Variants in PPM1N observed in about 807,000 individuals in gnomAD.
PPM1N encodes the protein protein phosphatase, Mg2+/Mn2+ dependent 1N (putative).
Under a neutral mutation model 32.6 loss-of-function variants are expected in PPM1N, and 35 were observed. The ratio of observed to expected loss-of-function variants is 1.07; its 90% confidence interval spans 0.82 to 1.43. The LOEUF (loss-of-function observed/expected upper bound fraction) is 1.43. Ranked by LOEUF, PPM1N falls within the 40% of genes most tolerant of loss-of-function variation. The probability of loss-of-function intolerance (pLI) is 0.00; values close to 1 mark genes in which losing one functional copy is unlikely to be tolerated. For missense variants in PPM1N, 648 were observed against 606.6 expected, an observed-to-expected ratio of 1.07 and a Z score of -0.72; for synonymous variants, 275 against 270.5, an observed-to-expected ratio of 1.02 and a Z score of -0.16.
At chr19:45,499,482 A>C (rs535456063) in intron 1 of PPM1N, 71 bp downstream of exon 1, 1 of 1,594,768 alleles carries the variant, frequency 6.3e-7, no homozygotes, top group African/African-American at 1.3e-5. Context: ...GGTTTTGGGG[A>C]GGAGGGCTTT....
In PPM1N at chr19:45,502,239, C is replaced by T; in HGVS notation, c.*154C>T. 1 of 479,084 alleles carries T rather than the reference C, an allele frequency of 2.1e-6. No individual in the cohort carries two copies. The highest frequency in any genetic ancestry group is 2.0e-5 in the South Asian group (1 of 50,312). 29.7% of individuals were successfully genotyped at this position (479,084 alleles called of 1,614,324 possible). On this transcript the variant is annotated 3_prime_UTR_variant, in exon 5 of 5. Transcript: ENST00000451287. ...TTATTTCTTCTTCTCTTACTTCCCTCTCACAGAAAAGTCTTACGAATGGGG... is the reference window on the plus strand; with the variant it reads ...TTATTTCTTCTTCTCTTACTTCCCTTTCACAGAAAAGTCTTACGAATGGGG...
chr19:45,499,469 C>T lies in PPM1N; in HGVS notation c.939+58C>T, dbSNP rs924828835. On this transcript the variant is annotated intron_variant, in intron 1 of 4. Coordinates refer to ENST00000451287, the MANE Select transcript of PPM1N (RefSeq NM_001080401.2). ...TTGGTGCAGCAGAGGGAGAGAGCCT[C>T]GGGGTTTTGGGGAGGAGGGCTTTGA... 7 of 1,598,102 alleles carry T rather than the reference C, an allele frequency of 4.4e-6. No individual in the cohort carries two copies. In the African/African-American group the frequency reaches 8.1e-5, roughly 18 times the overall value.
chr19:45,498,841 C>G lies in PPM1N; in HGVS notation c.369C>G (p.Leu123=), dbSNP rs1968354054. ...FGARHLPGHV[L]QELGPEPSEP... is the part of the protein sequence containing the mutation. ...CACGCCATTTGCCAGGCCATGTGCT[C>G]CAGGAGCTGGGCCCGGAGCCTAGCG... Residue 123 remains leucine, a synonymous_variant, in exon 1 of 5, where the codon CTC becomes CTG. Coordinates refer to ENST00000451287, the MANE Select transcript of PPM1N (RefSeq NM_001080401.2). 1.3e-6 allele frequency: 2 copies of G among 1,537,748 alleles called. No individual in the cohort carries two copies. The highest frequency in any genetic ancestry group is 2.8e-5 in the African/African-American group (2 of 70,774).
chr19:45,498,948 A>C lies in PPM1N; in HGVS notation c.476A>C (p.Glu159Ala). 2 of 1,553,000 alleles carry C rather than the reference A, an allele frequency of 1.3e-6. No homozygotes were observed. Among genetic ancestry groups the C allele is most frequent in the Non-Finnish European group, 1.7e-6 (2 of 1,158,690 alleles). The change falls in exon 1 of 5, where the codon GAA becomes GCA. Residue 159 changes from glutamate (E) to alanine (A), a missense_variant. Coordinates refer to ENST00000451287, the MANE Select transcript of PPM1N (RefSeq NM_001080401.2). ...CTGCGCTCCCTCTGGCCCCGCGTGG[A>C]AACGGGCGGCTGCACGGCCGTGGTG... ...ERLRSLWPRVETGGCTAVVLL... is the reference protein window; with the variant it reads ...ERLRSLWPRVATGGCTAVVLL...
chr19:45,498,669 G>T lies in PPM1N; in HGVS notation c.197G>T (p.Arg66Leu). 2.1e-6 allele frequency: 3 copies of T among 1,438,778 alleles called. No individual in the cohort carries two copies. Among genetic ancestry groups the T allele is most frequent in the Non-Finnish European group, 2.7e-6 (3 of 1,098,492 alleles). 89.1% of individuals were successfully genotyped at this position (1,438,778 alleles called of 1,614,324 possible). The change falls in exon 1 of 5, where the codon CGC (arginine) becomes CTC (leucine). Residue 66 changes from arginine (R) to leucine (L), a missense_variant. Arg to Leu is a moderately radical substitution (Grantham distance 102). Transcript: ENST00000451287. Reference sequence around the variant, plus strand: ...GGTGCCGAGGCGTCTGGGGGCCTGCGCTTCGGGGCGAGCGCAGCGCAAGGC... The same window carrying T: ...GGTGCCGAGGCGTCTGGGGGCCTGCTCTTCGGGGCGAGCGCAGCGCAAGGC... ...HGGAEASGGL[R>L]FGASAAQGWR...
chr19:45,500,169 C>T (rs1968389222), intron 2 of PPM1N, 103 bp downstream of exon 2: 1 of 1,408,506 alleles, frequency 7.1e-7, no homozygotes, highest in South Asian at 1.5e-5. Context: ...GAGTCTTGCT[C>T]TGTCTCCTAG....
rs745905149 is a variant in PPM1N at position 45,500,578 on chromosome 19, AAGGGTGGGGTGGAATG to A, written c.1163+32_1164-42del. ...GGACTGCAAGTGAGTTGGGGTGAGGAAGGGTGGGGTGGAATGAGGGTGGGGTGGAAGGAGGAGAGTC... is the reference window on the plus strand; with the variant it reads ...GGACTGCAAGTGAGTTGGGGTGAGGAAGGGTGGGGTGGAAGGAGGAGAGTC... On this transcript the variant is annotated intron_variant, in intron 3 of 4. Transcript: ENST00000451287. 1.1e-5 allele frequency: 18 copies of A among 1,595,660 alleles called. No homozygotes were observed. Among genetic ancestry groups the A allele is most frequent in the Admixed American group, 8.6e-5 (5 of 58,252 alleles).
rs1263798550 is a variant in PPM1N at position 45,502,052 on chromosome 19, G to C, written c.1260G>C (p.Thr420=). 1 of 1,547,754 alleles carries C rather than the reference G, an allele frequency of 6.5e-7. No homozygotes were observed. Among genetic ancestry groups the C allele is most frequent in the African/African-American group, 1.4e-5 (1 of 70,056 alleles). ...GQDGAGKSNP[T]HLGSALDMEA Reference sequence around the variant, plus strand: ...ATGGGGCTGGGAAGTCCAACCCCACGCATTTGGGCTCAGCCTTGGACATGG... The same window carrying C: ...ATGGGGCTGGGAAGTCCAACCCCACCCATTTGGGCTCAGCCTTGGACATGG... The change falls in exon 5 of 5, where the codon ACG becomes ACC. Residue 420 remains threonine, a synonymous_variant. Coordinates refer to ENST00000451287, the MANE Select transcript of PPM1N (RefSeq NM_001080401.2).
chr19:45,500,079 TG>T lies in PPM1N; in HGVS notation c.1057+18del, dbSNP rs2122247881. ...TGCAGAATCGCTGGTGAGCAGACTC[TG>T]GGGGCCCAGCTGGAGGGGTGGTTGG... is the stretch of plus-strand genomic sequence containing the variant. On this transcript the variant is annotated intron_variant, in intron 2 of 4. Transcript: ENST00000451287. 6.3e-7 allele frequency: 1 copy of T among 1,575,308 alleles called. No homozygotes were observed. The highest frequency in any genetic ancestry group is 8.6e-7 in the Non-Finnish European group (1 of 1,159,700).
intron 1 of PPM1N, 127 bp from the exon 2 acceptor site, chr19:45,499,822 C>T (rs764577586): frequency 1.5e-4 from 222 of 1,493,704 alleles, no homozygotes; most frequent in Non-Finnish European, 1.9e-4. Flanking sequence ...AGAGGATTGG[C>T]AGGTGGGTGG....
At chr19:45,499,472 G>A (rs956249662) in intron 1 of PPM1N, 61 bp downstream of exon 1, 54 of 1,598,768 alleles carry the variant, frequency 3.4e-5, no homozygotes, top group Non-Finnish European at 4.5e-5. Context: ...AGAGCCTCGG[G>A]GTTTTGGGGA....
Position 45,498,693 on chromosome 19 carries a change from G to C in PPM1N, c.221G>C (p.Gly74Ala). Residue 74 changes from glycine (G) to alanine (A), a missense_variant, in exon 1 of 5, where the codon GGC becomes GCC. Physicochemically the swap from Gly to Ala is moderately conservative, Grantham distance 60. Coordinates refer to ENST00000451287, the MANE Select transcript of PPM1N (RefSeq NM_001080401.2). ...GLRFGASAAQ[G>A]WRARMEDAHC... Reference sequence around the variant, plus strand: ...CGCTTCGGGGCGAGCGCAGCGCAAGGCTGGCGCGCGCGCATGGAGGATGCT... The same window carrying C: ...CGCTTCGGGGCGAGCGCAGCGCAAGCCTGGCGCGCGCGCATGGAGGATGCT... 2.7e-6 allele frequency: 4 copies of C among 1,489,424 alleles called. No individual in the cohort carries two copies. The highest frequency in any genetic ancestry group is 3.6e-6 in the Non-Finnish European group (4 of 1,122,114). The allele number at this position is 1,489,424 out of a possible 1,614,324, so 92.3% of individuals were successfully genotyped here. A position where few individuals can be genotyped will look rare whatever the true frequency, so the allele number is the denominator to read the frequency against.
At chr19:45,500,434 C>G (rs1382456566) in intron 2 of PPM1N, 22 bp from the exon 3 acceptor site, 1 of 1,585,320 alleles carries the variant, frequency 6.3e-7, no homozygotes, top group African/African-American at 1.3e-5. Flanking sequence ...TGTGCCCAGC[C>G]TAACTCTTGA....
Position 45,502,285 on chromosome 19 carries a change from C to T in PPM1N, c.*200C>T. ...TGGGGAAATTCCACCAACATCCAGA[C>T]CAAAAAGAAAAAAGCCCAAATCGAA... On this transcript the variant is annotated 3_prime_UTR_variant, in exon 5 of 5. Coordinates refer to ENST00000451287, the MANE Select transcript of PPM1N (RefSeq NM_001080401.2). 6.6e-6 allele frequency: 1 copy of T among 152,466 alleles called. No homozygotes were observed. The highest frequency in any genetic ancestry group is 1.2e-4 in the Admixed American group (1 of 8,098). The allele number at this position is 152,466 out of a possible 1,614,324, so 9.4% of individuals were successfully genotyped here.
In PPM1N at chr19:45,499,206, C is replaced by T. The variant is rs748483620; in HGVS notation, c.734C>T (p.Pro245Leu). Reference protein sequence around the residue: ...DFTYKEAPGRPPELQLVSAEP... With the variant: ...DFTYKEAPGRLPELQLVSAEP... ...ACCTACAAGGAGGCTCCGGGGAGGCCCCCCGAGCTACAGCTCGTTTCTGCG... is the reference window on the plus strand; with the variant it reads ...ACCTACAAGGAGGCTCCGGGGAGGCTCCCCGAGCTACAGCTCGTTTCTGCG... Residue 245 changes from proline to leucine, a missense_variant, in exon 1 of 5, where the codon CCC becomes CTC. Transcript: ENST00000451287. The T allele has an allele frequency of 3.8e-6, 6 of 1,563,686 alleles. No individual in the cohort carries two copies. Among genetic ancestry groups the T allele is most frequent in the South Asian group, 1.2e-5 (1 of 84,988 alleles).
In PPM1N at chr19:45,498,900, C is replaced by A; in HGVS notation, c.428C>A (p.Ala143Asp). The change falls in exon 1 of 5, where the codon GCC becomes GAC. Residue 143 changes from alanine to aspartate, a missense_variant. Coordinates refer to ENST00000451287, the MANE Select transcript of PPM1N (RefSeq NM_001080401.2). ...PEGVREALRR[A>D]FLSADERLRS... Reference sequence around the variant, plus strand: ...GGCGTGCGCGAGGCGCTGCGCCGAGCCTTCTTGAGCGCCGACGAGCGCCTG... The same window carrying A: ...GGCGTGCGCGAGGCGCTGCGCCGAGACTTCTTGAGCGCCGACGAGCGCCTG... 1 of 1,523,104 alleles carries A rather than the reference C, an allele frequency of 6.6e-7. No homozygotes were observed. The highest frequency in any genetic ancestry group is 8.7e-7 in the Non-Finnish European group (1 of 1,144,828). The allele number at this position is 1,523,104 out of a possible 1,614,324, so 94.3% of individuals were successfully genotyped here. A position where few individuals can be genotyped will look rare whatever the true frequency, so the allele number is the denominator to read the frequency against.
chr19:45,499,261 G>A lies in PPM1N; in HGVS notation c.789G>A (p.Gln263=). ...AEPEVAALAR[Q]AEDEFMLLAS... is the part of the protein sequence containing the mutation. ...CAGAGGTGGCCGCACTGGCACGCCA[G>A]GCTGAGGACGAGTTCATGCTCCTGG... The change falls in exon 1 of 5, where the codon CAG becomes CAA. Residue 263 remains glutamine (Q), a synonymous_variant. Coordinates refer to ENST00000451287, the MANE Select transcript of PPM1N (RefSeq NM_001080401.2). 1.2e-6 allele frequency: 2 copies of A among 1,610,052 alleles called. No homozygotes were observed. Among genetic ancestry groups the A allele is most frequent in the Non-Finnish European group, 1.7e-6 (2 of 1,178,950 alleles).
rs1318528441 is a variant in PPM1N, at chr19:45,498,599, C to G, written c.127C>G (p.Arg43Gly). The stretch of plus-strand genomic sequence containing the variant: ...GGGGCGCAGGGCCCCCGAAGGGCCT[C>G]GGTCTCTGTTGACAGCGCCGCGCCG... ...EAGRRAPEGP[R>G]SLLTAPRRAQ... is the part of the protein sequence containing the mutation. The change falls in exon 1 of 5, where the codon CGG becomes GGG. Residue 43 changes from arginine (R) to glycine (G), a missense_variant. Transcript: ENST00000451287. 5.5e-6 allele frequency: 8 copies of G among 1,454,102 alleles called. No individual in the cohort carries two copies. The highest frequency in any genetic ancestry group is 2.8e-5 in the South Asian group (2 of 72,402). 90.1% of individuals were successfully genotyped at this position (1,454,102 alleles called of 1,614,324 possible).
Position 45,500,439 on chromosome 19 carries a change from T to G in PPM1N, c.1058-17T>G, listed in dbSNP as rs749598823. The G allele has an allele frequency of 6.3e-6, 10 of 1,592,728 alleles. No individual in the cohort carries two copies. Among genetic ancestry groups the G allele is most frequent in the African/African-American group, 2.7e-5 (2 of 74,458 alleles). The stretch of plus-strand genomic sequence containing the variant: ...CGTGCGCCACTGTGCCCAGCCTAAC[T>G]CTTGACTCTTTCTCAGAACTGTGTG... On this transcript the variant is annotated splice_polypyrimidine_tract_variant and intron_variant, in intron 2 of 4. Coordinates refer to ENST00000451287, the MANE Select transcript of PPM1N (RefSeq NM_001080401.2).
Sources: gnomAD v4.1 joint callset for allele counts on GRCh38, gnomAD v4.1.1 for gene constraint, MANE v1.5 for transcripts, NCBI Gene and HGNC (gene_info 2026-07-23, HGNC 2026-07-21) for gene names.